Variants in ICE1 observed in about 807,000 individuals in gnomAD.
ICE1 encodes the protein little elongation complex subunit 1.
A neutral mutation model predicts 192.7 loss-of-function variants in ICE1; 64 were observed. That is an observed-to-expected ratio of 0.33 (90% CI 0.27 to 0.41). The LOEUF (loss-of-function observed/expected upper bound fraction) is 0.41. Ranked by LOEUF, ICE1 falls within the 10% of genes least tolerant of loss-of-function variation. ICE1 has a pLI of 1.00. For synonymous variants in ICE1, 1,010 were observed against 984.5 expected, an observed-to-expected ratio of 1.03 and a Z score of -0.49; for missense variants, 2,708 against 2,696.0, an observed-to-expected ratio of 1.00 and a Z score of -0.10.
chr5:5,423,676 T>C (rs1203688383), intron 1 of ICE1, among the ~76,000 whole-genome samples: 1 of 152,146 alleles, frequency 6.6e-6, no homozygotes, highest in Non-Finnish European at 1.5e-5. Context: ...CCAGATCTTA[T>C]GGGGTGGTAC....
rs774272990 is a variant in ICE1, at chr5:5,468,848, T to A, written c.6082T>A (p.Leu2028Ile). 1.9e-6 allele frequency: 3 copies of A among 1,584,826 alleles called. No homozygotes were observed. The Admixed American group carries it at 5.5e-5, about 29-fold the overall frequency. The change falls in exon 15 of 19, where the codon TTA becomes ATA. Residue 2028 changes from leucine to isoleucine, a missense_variant. By Grantham distance (5) the Leu-to-Ile change is conservative (BLOSUM62 2). Transcript: ENST00000296564. ...GATAGATTTTCCGGAGTCTGAAAAA[T>A]TAACTTTGTTTATTGCAAACATGTG... Reference protein sequence around the residue: ...LKEDFPESEKLTLFIANMWHD... With the variant: ...LKEDFPESEKITLFIANMWHD...
At chr5:5,445,194 C>T (rs991983142) in intron 7 of ICE1, among the ~76,000 whole-genome samples, 3 of 152,068 alleles carry the variant, frequency 2.0e-5, no homozygotes, top group Non-Finnish European at 2.9e-5. Flanking sequence ...ATAATAGTTG[C>T]GGAAAGTATT....
chr5:5,469,786 AT>A (rs1739102042), intron 15 of ICE1, among the ~76,000 whole-genome samples: 1 of 152,204 alleles, frequency 6.6e-6, no homozygotes, highest in African/African-American at 2.4e-5. Context: ...TTAGGTAAAT[AT>A]TAAAAAGCAA....
intron 4 of ICE1, among the ~76,000 whole-genome samples, chr5:5,440,550 G>T (rs973507268): frequency 6.6e-6 from 1 of 152,130 alleles, no homozygotes; most frequent in Non-Finnish European, 1.5e-5. Flanking sequence ...TAGGCTGGCC[G>T]CAATGGCTCA....
At chr5:5,486,409 A>G (rs1472528563) in intron 17 of ICE1, among the ~76,000 whole-genome samples, 1 of 151,914 alleles carries the variant, frequency 6.6e-6, no homozygotes, top group Non-Finnish European at 1.5e-5. Context: ...CTGTGGTATA[A>G]TAGCAGTTGC....
chr5:5,445,100 G>C (rs1579549045), intron 7 of ICE1, among the ~76,000 whole-genome samples: 1 of 152,150 alleles, frequency 6.6e-6, no homozygotes, highest in East Asian at 1.9e-4. Flanking sequence ...CCATTATCTT[G>C]CTAGTGCTCT....
At position 5,426,620 on chromosome 5, in the gene ICE1, A is replaced by C. The variant is rs111860100; in HGVS notation, c.84+3621A>C. 3.2e-3 allele frequency among the ~76,000 whole-genome samples: 489 copies of C among 152,242 alleles called. 2 individuals carry two copies. Among genetic ancestry groups the C allele is most frequent in the African/African-American group, 0.011 (463 of 41,542 alleles). On this transcript the variant is annotated intron_variant, in intron 1 of 18. Transcript: ENST00000296564. ...CCAACTAGCTGATGTGTGGCCTTTG[A>C]TGAAGGGGAACATGGAATGGTGAGG... is the stretch of plus-strand genomic sequence containing the variant.
intron 7 of ICE1, among the ~76,000 whole-genome samples, chr5:5,446,061 A>G (rs1303078114): frequency 6.6e-6 from 1 of 152,052 alleles, no homozygotes; most frequent in Non-Finnish European, 1.5e-5. Context: ...TCTGTTGCCT[A>G]GGCTGGAGTG....
rs1309349185 is a variant in ICE1, at chr5:5,447,778, G to A, written c.547+18G>A. On this transcript the variant is annotated intron_variant, in intron 9 of 18. Coordinates refer to ENST00000296564, the MANE Select transcript of ICE1 (RefSeq NM_015325.3). Reference sequence around the variant, plus strand: ...TGAAAAGGGTGAGTATTCAGTTAATGCTTACATAAATTTATTTTTGATATG... The same window carrying A: ...TGAAAAGGGTGAGTATTCAGTTAATACTTACATAAATTTATTTTTGATATG... 1.3e-6 allele frequency: 2 copies of A among 1,577,884 alleles called. No homozygotes were observed. Among genetic ancestry groups the A allele is most frequent in the Non-Finnish European group, 1.7e-6 (2 of 1,159,440 alleles).
intron 10 of ICE1, 74 bp downstream of exon 10, chr5:5,447,971 A>G (rs1298299282): frequency 2.7e-5 from 32 of 1,196,312 alleles, no homozygotes; most frequent in East Asian, 1.0e-4. Context: ...TTTTGCTCCT[A>G]CATATAATTG....
chr5:5,475,752 C>A (rs1204720331), intron 16 of ICE1, among the ~76,000 whole-genome samples: 1 of 152,214 alleles, frequency 6.6e-6, no homozygotes, highest in East Asian at 1.9e-4. Flanking sequence ...AGAATTAGAA[C>A]AAGATGCAAG....
At chr5:5,428,927 C>G (rs1248257404) in intron 1 of ICE1, among the ~76,000 whole-genome samples, 1 of 152,126 alleles carries the variant, frequency 6.6e-6, no homozygotes, top group Admixed American at 6.5e-5. Flanking sequence ...TGTTGGAGTC[C>G]CTAAGACCAT....
intron 10 of ICE1, among the ~76,000 whole-genome samples, chr5:5,449,571 C>T (rs947276406): frequency 3.3e-5 from 5 of 152,054 alleles, no homozygotes; most frequent in Admixed American, 3.3e-4. Context: ...TGATGAAACC[C>T]GCAATTGCAG....
chr5:5,440,191 ATTG>A (rs1214102265), intron 4 of ICE1, among the ~76,000 whole-genome samples: 1 of 152,200 alleles, frequency 6.6e-6, no homozygotes, highest in African/African-American at 2.4e-5. Flanking sequence ...AGTGAAGCTT[ATTG>A]TTGTCAAATT....
chr5:5,439,491 G>A (rs532647596), intron 3 of ICE1, among the ~76,000 whole-genome samples: 1 of 152,198 alleles, frequency 6.6e-6, no homozygotes, highest in South Asian at 2.1e-4. Context: ...TATGGTTTTT[G>A]TAAGTACATA....
intron 1 of ICE1, among the ~76,000 whole-genome samples, chr5:5,430,509 CAGCTAGACAGATATACAAG>C (rs1237179495): frequency 6.6e-6 from 1 of 152,166 alleles, no homozygotes; most frequent in Non-Finnish European, 1.5e-5. Flanking sequence ...TATAAAAAGG[CAGCTAGACAGATATACAAG>C]AGTTGTTAAG....
At chr5:5,439,824 G>A in intron 3 of ICE1, 71 bp from the exon 4 acceptor site, 1 of 1,002,670 alleles carries the variant, frequency 1.0e-6, no homozygotes, top group East Asian at 2.7e-5. Context: ...AAAGATAATT[G>A]TAAAGTGAGT....
chr5:5,468,125 C>T (rs923042131), intron 14 of ICE1, among the ~76,000 whole-genome samples: 1 of 152,160 alleles, frequency 6.6e-6, no homozygotes, highest in Non-Finnish European at 1.5e-5. Context: ...AATGTCAAAA[C>T]CAACATGCTG....
At chr5:5,446,072 C>T (rs926320581) in intron 7 of ICE1, among the ~76,000 whole-genome samples, 9 of 152,008 alleles carry the variant, frequency 5.9e-5, no homozygotes, top group African/African-American at 1.2e-4. Context: ...GGCTGGAGTG[C>T]AGTGGCAAAA....
Sources: gnomAD v4.1 joint callset for allele counts (sites outside exome capture counted in the v4.1 genomes callset) on GRCh38, gnomAD v4.1.1 for gene constraint, MANE v1.5 for transcripts, NCBI Gene and HGNC (gene_info 2026-07-23, HGNC 2026-07-21) for gene names.